The following TENM4 variants were observed in gnomAD, a reference collection of about 807,000 sequenced individuals.
TENM4 encodes teneurin transmembrane protein 4.
A neutral mutation model predicts 243.3 loss-of-function variants in TENM4; 82 were observed. The observed-to-expected ratio is 0.34, with a 90% CI of 0.28 to 0.40. TENM4 has a LOEUF of 0.40. TENM4 is among the 10% of genes least tolerant of loss of function. The pLI is 1.00. For missense variants in TENM4, 3,138 were observed against 3,673.3 expected (o/e 0.85, Z 3.77); for synonymous variants, 1,412 against 1,456.3 (o/e 0.97, Z 0.69).
intron 4 of TENM4, among the ~76,000 whole-genome samples, chr11:79,112,356 CTG>C (rs1352093714): frequency 6.6e-6 from 1 of 152,074 alleles, no homozygotes; most frequent in East Asian, 1.9e-4. Context: ...AGAGTGTAAA[CTG>C]AGAAAAAGAG....
intron 28 of TENM4, among the ~76,000 whole-genome samples, chr11:78,688,741 A>G (rs948444118): frequency 4.1e-5 from 6 of 147,102 alleles, no homozygotes; most frequent in African/African-American, 1.3e-4. Flanking sequence ...CATCCTGGGA[A>G]AAGGGGATTC....
chr11:79,021,767 A>G (rs1858935837), intron 6 of TENM4: 1 of 152,382 alleles, frequency 6.6e-6, no homozygotes, highest in East Asian at 1.9e-4. Context: ...TGCCTCCAGA[A>G]CATTCAAAGG....
chr11:79,098,986 AC>A (rs1861153989), intron 4 of TENM4, among the ~76,000 whole-genome samples: 1 of 152,220 alleles, frequency 6.6e-6, no homozygotes, highest in Non-Finnish European at 1.5e-5. Context: ...ATAAGATGAC[AC>A]ATGTAAAAAT....
chr11:79,418,231 G>T (rs1158626931), intron 1 of TENM4, among the ~76,000 whole-genome samples: 1 of 152,134 alleles, frequency 6.6e-6, no homozygotes, highest in African/African-American at 2.4e-5. Flanking sequence ...TACCCTATTG[G>T]AGGACAGAGA....
chr11:79,414,808 T>G (rs1381722354), intron 1 of TENM4, among the ~76,000 whole-genome samples: 1 of 152,182 alleles, frequency 6.6e-6, no homozygotes, highest in Non-Finnish European at 1.5e-5. Context: ...GCCTGAATCA[T>G]GGGCAAAAAA....
Position 78,672,182 on chromosome 11 carries a change from C to G in TENM4, c.5644G>C (p.Gly1882Arg). Residue 1882 changes from glycine (G) to arginine (R), a missense_variant, in exon 31 of 34, where the codon GGT becomes CGT. Coordinates refer to ENST00000278550, the MANE Select transcript of TENM4 (RefSeq NM_001098816.3). ...CCAGGGGAGTATGTCACGTTGACAC[C>G]ATTCAGCCTGCTGCTGGGTGACCAG... ...SLWSPSSRLN[G>R]VNVTYSPGGY... is the part of the protein sequence containing the mutation. The G allele has an allele frequency of 6.2e-7, 1 of 1,613,844 alleles. No homozygotes were observed. The highest frequency in any genetic ancestry group is 8.5e-7 in the Non-Finnish European group (1 of 1,179,854).
Position 79,135,682 on chromosome 11 carries a change from ATATG to A in TENM4, c.-66+13024_-66+13027del, listed in dbSNP as rs1367026096. 5.3e-5 allele frequency among the ~76,000 whole-genome samples: 8 copies of A among 149,856 alleles called. No individual in the cohort carries two copies. The Admixed American group carries it at 5.4e-4, about 10-fold the overall frequency. On this transcript the variant is annotated intron_variant, in intron 4 of 33. Transcript: ENST00000278550. ...TACACACACATATATGATATATCAT[ATATG>A]TATGATATATATGATACATCATACA...
intron 9 of TENM4, among the ~76,000 whole-genome samples, chr11:78,877,134 T>C (rs966824882): frequency 3.9e-5 from 6 of 152,238 alleles, no homozygotes; most frequent in Non-Finnish European, 7.3e-5. Flanking sequence ...TGAGATCATA[T>C]TGCTGTCTTT....
intron 2 of TENM4, among the ~76,000 whole-genome samples, chr11:79,282,863 C>T (rs543349439): frequency 2.0e-5 from 3 of 152,076 alleles, no homozygotes; most frequent in African/African-American, 7.2e-5. Context: ...GCATTCTGTC[C>T]CAGGCTGGGT....
chr11:79,377,869 A>G (rs11237813), intron 1 of TENM4, among the ~76,000 whole-genome samples: 66,402 of 152,018 alleles, frequency 0.44, 14,869 homozygotes, highest in African/African-American at 0.55. Flanking sequence ...AAAACAAAAT[A>G]CAATTAAAAA....
At chr11:78,897,400 C>T (rs1434166907) in intron 7 of TENM4, among the ~76,000 whole-genome samples, 2 of 152,098 alleles carry the variant, frequency 1.3e-5, no homozygotes, top group Non-Finnish European at 2.9e-5. Context: ...CTTGTGAGTC[C>T]CACTAGTAAA....
intron 2 of TENM4, among the ~76,000 whole-genome samples, chr11:79,283,255 C>T (rs945745770): frequency 6.7e-6 from 1 of 148,224 alleles, no homozygotes; most frequent in African/African-American, 2.5e-5. Context: ...CACACAAGTA[C>T]AGATGAATAT....
intron 2 of TENM4, among the ~76,000 whole-genome samples, chr11:79,217,382 G>A (rs780010629): frequency 6.6e-6 from 1 of 152,068 alleles, no homozygotes; most frequent in Non-Finnish European, 1.5e-5. Context: ...AAAGAATAAG[G>A]CATGAAGGAT....
intron 12 of TENM4, among the ~76,000 whole-genome samples, chr11:78,821,810 A>G (rs1857740338): frequency 6.6e-6 from 1 of 152,240 alleles, no homozygotes; most frequent in Non-Finnish European, 1.5e-5. Flanking sequence ...TCCAGTGAAT[A>G]AGGACTATAG....
intron 14 of TENM4, among the ~76,000 whole-genome samples, chr11:78,808,415 A>T (rs1006997887): frequency 1.3e-5 from 2 of 152,212 alleles, no homozygotes; most frequent in African/African-American, 4.8e-5. Flanking sequence ...TAAGCATTTC[A>T]TGGACATTAT....
At chr11:79,023,634 C>T (rs928438035) in intron 6 of TENM4, among the ~76,000 whole-genome samples, 2 of 151,786 alleles carry the variant, frequency 1.3e-5, no homozygotes, top group Non-Finnish European at 2.9e-5. Flanking sequence ...TTTTTCAGCT[C>T]CTATAAGCTA....
At chr11:78,663,061 G>A (rs1427753668) in intron 32 of TENM4, among the ~76,000 whole-genome samples, 1 of 152,224 alleles carries the variant, frequency 6.6e-6, no homozygotes, top group African/African-American at 2.4e-5. Flanking sequence ...AAGGATGACT[G>A]TGGCCGGAGC....
intron 12 of TENM4, among the ~76,000 whole-genome samples, chr11:78,839,753 C>T (rs917735909): frequency 3.3e-5 from 5 of 152,156 alleles, no homozygotes; most frequent in Non-Finnish European, 4.4e-5. Flanking sequence ...TGACTAAAAG[C>T]TGATGTTCTT....
intron 6 of TENM4, among the ~76,000 whole-genome samples, chr11:79,000,936 C>T (rs1409176680): frequency 2.6e-5 from 4 of 152,300 alleles, no homozygotes; most frequent in Middle Eastern, 3.4e-3. Flanking sequence ...GAGGCTGAGG[C>T]AGGAGAATCA....
Sources: gnomAD v4.1 joint callset for allele counts (sites outside exome capture counted in the v4.1 genomes callset) on GRCh38, gnomAD v4.1.1 for gene constraint, MANE v1.5 for transcripts, NCBI Gene and HGNC (gene_info 2026-07-23, HGNC 2026-07-21) for gene names.